Variants in SH2D4B observed in about 807,000 individuals in gnomAD.
SH2D4B encodes SH2 domain containing 4B, also known as SH2 domain-containing protein 4B.
In SH2D4B, 45 loss-of-function variants were observed where a neutral mutation model predicts 61.5. That is an observed-to-expected ratio of 0.73 (90% CI 0.58 to 0.94). SH2D4B has a LOEUF of 0.94. Ranked by LOEUF, SH2D4B falls within the 40% of genes least tolerant of loss-of-function variation. The pLI is 0.00. For synonymous variants in SH2D4B, 224 were observed against 220.4 expected (o/e 1.02, Z -0.14); for missense variants, 572 against 574.2 (o/e 1.00, Z 0.04).
At chr10:80,640,185 G>T (rs148407237) in intron 7 of SH2D4B, among the ~76,000 whole-genome samples, 1,626 of 152,246 alleles carry the variant, frequency 0.011, 29 homozygotes, top group African/African-American at 0.037. Flanking sequence ...TTCCCTTTGA[G>T]GTTAACCCGA....
chr10:80,630,866 G>A (rs926352967), intron 6 of SH2D4B, among the ~76,000 whole-genome samples: 11 of 152,192 alleles, frequency 7.2e-5, no homozygotes, highest in African/African-American at 2.7e-4. Flanking sequence ...AGAGGGGTAG[G>A]TTGAGGCGGG....
chr10:80,616,326 A>G (rs1410536638), intron 6 of SH2D4B, among the ~76,000 whole-genome samples: 1 of 152,242 alleles, frequency 6.6e-6, no homozygotes, highest in East Asian at 1.9e-4. Flanking sequence ...AACTTTCTAA[A>G]GGAGAAAAAG....
intron 6 of SH2D4B, among the ~76,000 whole-genome samples, chr10:80,623,140 C>G (rs1842734217): frequency 6.6e-6 from 1 of 152,250 alleles, no homozygotes; most frequent in Non-Finnish European, 1.5e-5. Context: ...GTCTCGAACT[C>G]CTGACTTCCG....
At chr10:80,613,470 C>T (rs1842625343) in intron 6 of SH2D4B, among the ~76,000 whole-genome samples, 2 of 152,234 alleles carry the variant, frequency 1.3e-5, no homozygotes, top group Non-Finnish European at 2.9e-5. Context: ...GGTGACAACC[C>T]ATTGGCTGCC....
intron 5 of SH2D4B, 140 bp from the exon 6 acceptor site, chr10:80,609,284 C>CGGGCCCGTGG: frequency 1.3e-6 from 1 of 750,232 alleles, no homozygotes; most frequent in Non-Finnish European, 2.1e-6. Flanking sequence ...TGGCCCTCCC[C>CGGGCCCGTGG]TGCCCCTTCT....
At chr10:80,577,196 C>T (rs183551939) in intron 3 of SH2D4B, among the ~76,000 whole-genome samples, 3 of 152,170 alleles carry the variant, frequency 2.0e-5, no homozygotes, top group Admixed American at 1.3e-4. Flanking sequence ...TAAGGAAACC[C>T]AAGTTAGCCA....
chr10:80,562,887 A>ATTT lies in SH2D4B; in HGVS notation c.185-7263_185-7261dup, dbSNP rs1223682186. ...TCTCTGATGACCTATGATGCTGAACATTTTTTCTTTTTTTTTTTTTTTTTT... is the reference window on the plus strand; with the variant it reads ...TCTCTGATGACCTATGATGCTGAACATTTTTTTTTCTTTTTTTTTTTTTTTTTT... On this transcript the variant is annotated intron_variant, in intron 1 of 7. Transcript: ENST00000646907. 9.8e-5 allele frequency among the ~76,000 whole-genome samples: 12 copies of ATTT among 122,142 alleles called. 1 individual carries two copies. The highest frequency in any genetic ancestry group is 1.4e-4 in the Non-Finnish European group (8 of 58,820). 80.1% of individuals were successfully genotyped at this position (122,142 alleles called of 152,430 possible).
chr10:80,622,370 T>TTTC (rs1315998318), intron 6 of SH2D4B, among the ~76,000 whole-genome samples: 1 of 152,196 alleles, frequency 6.6e-6, no homozygotes. Context: ...CCTCGATGAT[T>TTTC]TTCTGTGGCT....
At chr10:80,617,885 G>A (rs187484451) in intron 6 of SH2D4B, among the ~76,000 whole-genome samples, 2 of 152,356 alleles carry the variant, frequency 1.3e-5, no homozygotes, top group East Asian at 3.9e-4. Context: ...TCTCTCAACA[G>A]CCCCAGTATT....
chr10:80,603,939 T>C, intron 5 of SH2D4B, 144 bp downstream of exon 5: 1 of 699,914 alleles, frequency 1.4e-6, no homozygotes, highest in Non-Finnish European at 2.3e-6. Flanking sequence ...AGCCCTAGTC[T>C]AGGGTAGGAG....
chr10:80,572,975 TATA>T (rs1842075347), intron 3 of SH2D4B, among the ~76,000 whole-genome samples: 8 of 10,300 alleles, frequency 7.8e-4, no homozygotes, highest in African/African-American at 3.0e-3. Flanking sequence ...TATATATATA[TATA>T]TATATATATT....
At chr10:80,629,418 G>C (rs144746313) in intron 6 of SH2D4B, among the ~76,000 whole-genome samples, 424 of 152,312 alleles carry the variant, frequency 2.8e-3, no homozygotes, top group Non-Finnish European at 5.0e-3. Context: ...GAGATTTAGA[G>C]GGGACACACA....
intron 3 of SH2D4B, among the ~76,000 whole-genome samples, chr10:80,575,160 T>A (rs1842110091): frequency 6.6e-6 from 1 of 151,010 alleles, no homozygotes; most frequent in Non-Finnish European, 1.5e-5. Context: ...TTCACCAATT[T>A]TTAACATTTT....
intron 6 of SH2D4B, among the ~76,000 whole-genome samples, chr10:80,611,427 G>A (rs1842598031): frequency 6.6e-6 from 1 of 152,164 alleles, no homozygotes; most frequent in Admixed American, 6.5e-5. Context: ...CCACACATCT[G>A]GCAGAAGGTT....
At chr10:80,542,308 A>G (rs1841591148) in intron 1 of SH2D4B, among the ~76,000 whole-genome samples, 1 of 151,790 alleles carries the variant, frequency 6.6e-6, no homozygotes, top group Non-Finnish European at 1.5e-5. Flanking sequence ...TCAGGGCCAG[A>G]GCTGGGTGTG....
intron 4 of SH2D4B, among the ~76,000 whole-genome samples, chr10:80,594,524 C>CT (rs1842365083): frequency 6.6e-6 from 1 of 152,126 alleles, no homozygotes; most frequent in African/African-American, 2.4e-5. Flanking sequence ...GTGTTCATTC[C>CT]TCTTCTATTT....
In SH2D4B at chr10:80,588,664, A is replaced by T; in HGVS notation, c.530A>T (p.Glu177Val). 6.2e-7 allele frequency: 1 copy of T among 1,614,048 alleles called. No homozygotes were observed. Among genetic ancestry groups the T allele is most frequent in the Non-Finnish European group, 8.5e-7 (1 of 1,180,030 alleles). Residue 177 changes from glutamate to valine, a missense_variant, in exon 4 of 8, where the codon GAG becomes GTG. By Grantham distance (121) the Glu-to-Val change is moderately radical (BLOSUM62 -2). Transcript: ENST00000646907. ...GAAGAGGAGAGGAAGCGAGGAGAAG[A>T]GCAGATTCGCCTCCAGGAAGAGCAG... is the stretch of plus-strand genomic sequence containing the variant. ...KEEEERKRGE[E>V]QIRLQEEQRA...
intron 1 of SH2D4B, among the ~76,000 whole-genome samples, chr10:80,544,493 G>GT (rs1414027692): frequency 6.6e-6 from 1 of 152,246 alleles, no homozygotes; most frequent in African/African-American, 2.4e-5. Flanking sequence ...GAAACTGTAT[G>GT]ACACCATCCT....
intron 6 of SH2D4B, among the ~76,000 whole-genome samples, chr10:80,611,252 C>T (rs1842595511): frequency 6.8e-6 from 1 of 147,866 alleles, no homozygotes; most frequent in Non-Finnish European, 1.5e-5. Context: ...GAGAACCACA[C>T]ATTGGCTCCT....
Sources: allele counts gnomAD v4.1 joint callset (sites outside exome capture counted in the v4.1 genomes callset), GRCh38; gene constraint gnomAD v4.1.1; transcripts MANE v1.5; gene names NCBI Gene and HGNC (gene_info 2026-07-23, HGNC 2026-07-21).